Variants in ITCH observed in about 807,000 individuals in gnomAD.
ITCH encodes itchy E3 ubiquitin protein ligase, also known as E3 ubiquitin-protein ligase Itchy homolog.
In ITCH, 28 loss-of-function variants were observed where a neutral mutation model predicts 126.8. That is an observed-to-expected ratio of 0.22 (90% CI 0.16 to 0.30). The LOEUF (loss-of-function observed/expected upper bound fraction) is 0.30. Ranked by LOEUF, ITCH falls within the 10% of genes least tolerant of loss-of-function variation. The pLI is 1.00. For synonymous variants in ITCH, 342 were observed against 340.0 expected (o/e 1.01, Z -0.06); for missense variants, 631 against 1,032.4 (o/e 0.61, Z 5.33).
At chr20:34,440,045 A>T in intron 8 of ITCH, 110 bp from the exon 9 acceptor site, 1 of 760,014 alleles carries the variant, frequency 1.3e-6, no homozygotes, top group South Asian at 1.7e-5. Context: ...GTGCATCTAC[A>T]TCTTAAGTTT....
At chr20:34,479,451 T>C (rs1262614991) in intron 17 of ITCH, among the ~76,000 whole-genome samples, 179 bp from the exon 18 acceptor site, 1 of 152,248 alleles carries the variant, frequency 6.6e-6, no homozygotes, top group African/African-American at 2.4e-5. Context: ...CCAAAGATGG[T>C]GTATACTACC....
chr20:34,434,001 C>T (rs1423219218), intron 7 of ITCH, among the ~76,000 whole-genome samples: 3 of 152,020 alleles, frequency 2.0e-5, no homozygotes, highest in East Asian at 1.9e-4. Flanking sequence ...GGGGGCTAGG[C>T]GCAGTGGCTC....
At position 34,438,483 on chromosome 20, in the gene ITCH, AAAT is replaced by A; in HGVS notation, c.532_534del (p.Asn178del). 1 of 1,614,104 alleles carries A rather than the reference AAAT, an allele frequency of 6.2e-7. No homozygotes were observed. The highest frequency in any genetic ancestry group is 8.5e-7 in the Non-Finnish European group (1 of 1,179,980). ...CCCTCTTCTTACCCAGAGTGAGCAC[AAAT>A]GGATCAGATGACCCTGAAGATGCAG... On this transcript the variant is annotated inframe_deletion, in exon 8 of 25. Transcript: ENST00000374864.
rs1978612274 is a variant in ITCH, at chr20:34,510,115, G to GGT, written c.*2322_*2323dup. The GGT allele has an allele frequency of 1.3e-5, 2 of 152,566 alleles. No individual in the cohort carries two copies. Among genetic ancestry groups the GGT allele is most frequent in the African/African-American group, 4.8e-5 (2 of 41,418 alleles). 9.5% of individuals were successfully genotyped at this position (152,566 alleles called of 1,614,324 possible). A position where few individuals can be genotyped will look rare whatever the true frequency, so the allele number is the denominator to read the frequency against. On this transcript the variant is annotated 3_prime_UTR_variant, in exon 25 of 25. Coordinates refer to ENST00000374864, the MANE Select transcript of ITCH (RefSeq NM_031483.7). ...GGAAGAAGTGTTTAGTTCTGGAAAA[G>GGT]GTAAATGCTTGTATATATTTTTGCA...
At chr20:34,411,283 C>T (rs2146161909) in intron 4 of ITCH, among the ~76,000 whole-genome samples, 1 of 152,198 alleles carries the variant, frequency 6.6e-6, no homozygotes, top group East Asian at 1.9e-4. Context: ...TCCTGAGTAG[C>T]TGGGATTACA....
Position 34,499,628 on chromosome 20 carries a change from A to G in ITCH, c.2417-4703A>G, listed in dbSNP as rs1162807253. On this transcript the variant is annotated intron_variant, in intron 23 of 24. Coordinates refer to ENST00000374864, the MANE Select transcript of ITCH (RefSeq NM_031483.7). ...TGTCAATTTTGTTTATCCTTTCAGA[A>G]AAAAAAAACAACTTTTCATTTCATC... Among the ~76,000 whole-genome samples, 5 of 13,672 alleles carry G rather than the reference A, an allele frequency of 3.7e-4. No individual in the cohort carries two copies. The African/African-American group carries it at 5.6e-3, about 15-fold the overall frequency. 9.0% of individuals were successfully genotyped at this position (13,672 alleles called of 152,430 possible). A position where few individuals can be genotyped will look rare whatever the true frequency, so the allele number is the denominator to read the frequency against.
intron 11 of ITCH, among the ~76,000 whole-genome samples, chr20:34,446,953 G>A (rs1029124512): frequency 5.3e-5 from 8 of 152,178 alleles, no homozygotes; most frequent in African/African-American, 1.9e-4. Flanking sequence ...TTAAAATAAA[G>A]TTCCAATATA....
intron 6 of ITCH, among the ~76,000 whole-genome samples, chr20:34,419,746 G>T (rs1242875593): frequency 6.6e-6 from 1 of 152,092 alleles, no homozygotes; most frequent in Non-Finnish European, 1.5e-5. Context: ...GCTCCGCCTT[G>T]CCGGTTCACG....
intron 12 of ITCH, among the ~76,000 whole-genome samples, chr20:34,453,257 C>G (rs376557531): frequency 4.6e-5 from 7 of 152,304 alleles, no homozygotes; most frequent in African/African-American, 1.7e-4. Context: ...TTAATTTTCT[C>G]TTGCCTCATG....
intron 23 of ITCH, among the ~76,000 whole-genome samples, chr20:34,495,217 A>G (rs1433531305): frequency 2.0e-5 from 3 of 150,430 alleles, no homozygotes; most frequent in Non-Finnish European, 4.4e-5. Flanking sequence ...GTGAGTCGAG[A>G]TTATGCCACT....
At chr20:34,467,375 A>G (rs1211762870) in intron 14 of ITCH, among the ~76,000 whole-genome samples, 1 of 152,056 alleles carries the variant, frequency 6.6e-6, no homozygotes, top group Admixed American at 6.6e-5. Context: ...AAAAAATACA[A>G]AATATTAGCT....
At chr20:34,388,875 A>G (rs1943836485) in intron 2 of ITCH, among the ~76,000 whole-genome samples, 3 of 152,346 alleles carry the variant, frequency 2.0e-5, no homozygotes, top group South Asian at 2.1e-4. Context: ...AAGTGAAAAC[A>G]CAATGCATAA....
At chr20:34,507,296 T>TTTTTTTTTTTTTTG (rs1990700122) in intron 24 of ITCH, among the ~76,000 whole-genome samples, 1 of 145,840 alleles carries the variant, frequency 6.9e-6, no homozygotes, top group Non-Finnish European at 1.5e-5. Context: ...TTTTGGTTGT[T>TTTTTTTTTTTTTTG]GTTGTTGTTG....
At chr20:34,367,865 T>C (rs2037475412) in intron 1 of ITCH, among the ~76,000 whole-genome samples, 1 of 152,206 alleles carries the variant, frequency 6.6e-6, no homozygotes. Context: ...GGTATTAGAC[T>C]AGAAAAAGAA....
chr20:34,489,085 G>A (rs1489805179), intron 20 of ITCH, among the ~76,000 whole-genome samples, 181 bp from the exon 21 acceptor site: 1 of 152,162 alleles, frequency 6.6e-6, no homozygotes, highest in Non-Finnish European at 1.5e-5. Context: ...GTATGAGTAG[G>A]GGCATAGATG....
chr20:34,413,730 A>G lies in ITCH; in HGVS notation c.338-12A>G, dbSNP rs1395392015. ...AAGTGACCATTTTTTCTGTAACTTT[A>G]TTTTCTTCCAGTTGAAGAAGTAGTT... On this transcript the variant is annotated splice_polypyrimidine_tract_variant and intron_variant, in intron 5 of 24. Coordinates refer to ENST00000374864, the MANE Select transcript of ITCH (RefSeq NM_031483.7). 5 of 1,592,988 alleles carry G rather than the reference A, an allele frequency of 3.1e-6. No individual in the cohort carries two copies. The East Asian group carries it at 9.0e-5, about 29-fold the overall frequency.
At chr20:34,476,750 A>G (rs986618969) in intron 16 of ITCH, 2 of 194,660 alleles carry the variant, frequency 1.0e-5, no homozygotes, top group Non-Finnish European at 2.1e-5. Context: ...TAAGTGTGGT[A>G]ATTCATTCTT....
intron 13 of ITCH, among the ~76,000 whole-genome samples, chr20:34,461,643 A>T (rs910231359): frequency 1.4e-4 from 19 of 133,596 alleles, no homozygotes; most frequent in African/African-American, 5.3e-4. Flanking sequence ...TGGGAGGTGG[A>T]GGTTGCAGTG....
chr20:34,448,254 G>C (rs541136329), intron 11 of ITCH, among the ~76,000 whole-genome samples: 3 of 152,036 alleles, frequency 2.0e-5, no homozygotes, highest in African/African-American at 7.2e-5. Context: ...TTAGCTGGGC[G>C]TGGTGGCGCG....
Sources: allele counts gnomAD v4.1 joint callset (sites outside exome capture counted in the v4.1 genomes callset), GRCh38; gene constraint gnomAD v4.1.1; transcripts MANE v1.5; gene names NCBI Gene and HGNC (gene_info 2026-07-23, HGNC 2026-07-21).